The following TMEM150C variants were observed in gnomAD, a reference collection of about 807,000 sequenced individuals.
The protein encoded by TMEM150C is tentonin 3.
TMEM150C carries 10 observed loss-of-function variants against 29.9 expected under a neutral mutation model. The ratio of observed to expected loss-of-function variants is 0.33; its 90% CI spans 0.21 to 0.57. The LOEUF is 0.57. Ranked by LOEUF, TMEM150C falls within the 20% of genes least tolerant of loss-of-function variation. TMEM150C has a pLI of 0.88. For missense variants in TMEM150C, 251 were observed against 303.6 expected, an observed-to-expected ratio of 0.83 and a Z score of 1.29; for synonymous variants, 101 against 112.5, an observed-to-expected ratio of 0.90 and a Z score of 0.64.
At chr4:82,522,747 T>A (rs1291860706) in intron 1 of TMEM150C, among the ~76,000 whole-genome samples, 1 of 152,052 alleles carries the variant, frequency 6.6e-6, no homozygotes, top group Non-Finnish European at 1.5e-5. Context: ...CATGAGCAAG[T>A]GGGAATCTAT....
chr4:82,530,417 T>C (rs111769595), intron 1 of TMEM150C, among the ~76,000 whole-genome samples: 6,811 of 151,534 alleles, frequency 0.045, 509 homozygotes, highest in African/African-American at 0.16. Context: ...ATTAGCCGGG[T>C]GTGGTGGCGG....
chr4:82,527,947 A>G (rs1245925701), intron 1 of TMEM150C, among the ~76,000 whole-genome samples: 2 of 144,992 alleles, frequency 1.4e-5, no homozygotes, highest in Non-Finnish European at 2.9e-5. Context: ...AAGGAAGAAG[A>G]AAAGGCAAGG....
chr4:82,562,220 C>T (rs568425348), upstream of TMEM150C: 1 of 1,285,248 alleles, frequency 7.8e-7, no homozygotes, highest in African/African-American at 1.5e-5. Flanking sequence ...CCTTTGTGGA[C>T]GCGTTTGCCT....
rs80302469 is a variant in TMEM150C at position 82,507,950 on chromosome 4, G to A, written c.-10-3283C>T. On this transcript the variant is annotated intron_variant, in intron 1 of 7. Transcript: ENST00000449862. ...TTTTGTAGAGACAAGGTTTCACTAC[G>A]TTGCCCAAGCTAGTCTAGAACTCCT... 2.9e-3 allele frequency among the ~76,000 whole-genome samples: 443 copies of A among 151,550 alleles called. 5 individuals carry two copies. Among genetic ancestry groups the A allele is most frequent in the Non-Finnish European group, 5.4e-3 (364 of 67,844 alleles).
At chr4:82,505,161 T>TCA (rs1723874295) in intron 1 of TMEM150C, among the ~76,000 whole-genome samples, 3 of 152,368 alleles carry the variant, frequency 2.0e-5, no homozygotes, top group African/African-American at 7.2e-5. Context: ...GGATGATTGT[T>TCA]ATCTAGCTTA....
At chr4:82,486,693 T>C (rs1223346544) in intron 7 of TMEM150C, among the ~76,000 whole-genome samples, 2 of 152,034 alleles carry the variant, frequency 1.3e-5, no homozygotes, top group African/African-American at 2.4e-5. Context: ...GAGGCTGCAG[T>C]GAGCTACAAT....
intron 1 of TMEM150C, among the ~76,000 whole-genome samples, 188 bp downstream of exon 1, chr4:82,561,718 C>A (rs1380986880): frequency 1.4e-5 from 2 of 147,042 alleles, no homozygotes; most frequent in African/African-American, 2.4e-5. Context: ...CGGGCGGCCC[C>A]GCGCCCGGGA....
chr4:82,541,960 C>T (rs1041736159), intron 1 of TMEM150C, among the ~76,000 whole-genome samples: 7 of 152,042 alleles, frequency 4.6e-5, no homozygotes, highest in Non-Finnish European at 7.3e-5. Flanking sequence ...ATACTTAATG[C>T]GCAGTAAGGT....
chr4:82,531,642 G>C (rs1235943561), intron 1 of TMEM150C, among the ~76,000 whole-genome samples: 2 of 151,192 alleles, frequency 1.3e-5, no homozygotes, highest in African/African-American at 4.9e-5. Context: ...GTAATCCCAG[G>C]TACGTGGGAG....
intron 7 of TMEM150C, among the ~76,000 whole-genome samples, chr4:82,487,381 G>A (rs1439745920): frequency 6.6e-6 from 1 of 152,160 alleles, no homozygotes; most frequent in Admixed American, 6.5e-5. Flanking sequence ...CCCAGGAGGT[G>A]GAGGTTGCAG....
At position 82,541,451 on chromosome 4, in the gene TMEM150C, GGAAAA is replaced by G. The variant is rs765537837; in HGVS notation, c.-11+20450_-11+20454del. 8.9e-4 allele frequency among the ~76,000 whole-genome samples: 136 copies of G among 152,036 alleles called. 1 individual carries two copies. The highest frequency in any genetic ancestry group is 1.8e-4 in the Non-Finnish European group (12 of 67,958). On this transcript the variant is annotated intron_variant, in intron 1 of 7. Coordinates refer to ENST00000449862, the MANE Select transcript of TMEM150C (RefSeq NM_001080506.3). ...AGAAGAAAAAGAAGGAACAGAGAGG[GGAAAA>G]GAAAAGGAAAAGGATGTTGATTATA...
At chr4:82,498,439 G>A (rs181131072) in intron 5 of TMEM150C, among the ~76,000 whole-genome samples, 1 of 152,142 alleles carries the variant, frequency 6.6e-6, no homozygotes, top group African/African-American at 2.4e-5. Context: ...ACAGGTGCAC[G>A]CCACCAAGCC....
chr4:82,508,036 G>A (rs2110072087), intron 1 of TMEM150C, among the ~76,000 whole-genome samples: 1 of 152,176 alleles, frequency 6.6e-6, no homozygotes, highest in African/African-American at 2.4e-5. Flanking sequence ...TGTTAACTTT[G>A]CCTTACTGCT....
intron 1 of TMEM150C, among the ~76,000 whole-genome samples, chr4:82,553,808 T>C (rs1023516648): frequency 6.6e-6 from 1 of 152,260 alleles, no homozygotes; most frequent in African/African-American, 2.4e-5. Context: ...CACTATTTGA[T>C]CATAACTGTA....
rs199892965 is a variant in TMEM150C at position 82,527,210 on chromosome 4, CAA to C, written c.-10-22545_-10-22544del. On this transcript the variant is annotated intron_variant, in intron 1 of 7. Coordinates refer to ENST00000449862, the MANE Select transcript of TMEM150C (RefSeq NM_001080506.3). ...TGTGTGTTTCCGGTGAGAATGGACA[CAA>C]GAGACATTTTCACACGTAATTTGGA... 8.0e-3 allele frequency among the ~76,000 whole-genome samples: 1,217 copies of C among 151,944 alleles called. 19 individuals are homozygous for C. The highest frequency in any genetic ancestry group is 0.027 in the African/African-American group (1,134 of 41,398).
At chr4:82,547,357 G>C (rs1384465162) in intron 1 of TMEM150C, among the ~76,000 whole-genome samples, 1 of 152,118 alleles carries the variant, frequency 6.6e-6, no homozygotes, top group African/African-American at 2.4e-5. Context: ...GGGAGGACAA[G>C]GTGGGCGGAT....
chr4:82,493,119 A>C (rs977569123), intron 6 of TMEM150C, among the ~76,000 whole-genome samples: 15 of 151,360 alleles, frequency 9.9e-5, no homozygotes, highest in Admixed American at 9.2e-4. Context: ...TATTGCCTTC[A>C]GATGTTTTGT....
At chr4:82,561,117 G>A (rs1725907748) in intron 1 of TMEM150C, among the ~76,000 whole-genome samples, 1 of 152,200 alleles carries the variant, frequency 6.6e-6, no homozygotes, top group Non-Finnish European at 1.5e-5. Context: ...GAGAAAAAAG[G>A]AGCATGAATT....
chr4:82,519,584 G>C (rs1028200292), intron 1 of TMEM150C, among the ~76,000 whole-genome samples: 1 of 151,882 alleles, frequency 6.6e-6, no homozygotes, highest in Non-Finnish European at 1.5e-5. Context: ...GTGTGACCAC[G>C]CCCAGCTAAT....
Sources: allele counts gnomAD v4.1 joint callset (sites outside exome capture counted in the v4.1 genomes callset), GRCh38; gene constraint gnomAD v4.1.1; transcripts MANE v1.5; gene names NCBI Gene and HGNC (gene_info 2026-07-23, HGNC 2026-07-21).